The following PLPBP variants were observed in gnomAD, a reference collection of about 807,000 sequenced individuals.
PLPBP encodes the protein pyridoxal phosphate homeostasis protein.
In PLPBP, 21 loss-of-function variants were observed where a neutral mutation model predicts 31.2. The observed-to-expected ratio is 0.67, with a 90% CI of 0.48 to 0.97. The LOEUF (loss-of-function observed/expected upper bound fraction) is 0.97, where lower values mean the gene tolerates loss of function less well. PLPBP is among the 50% of genes least tolerant of loss of function. The probability of loss-of-function intolerance (pLI) is 0.00; values close to 1 mark genes in which losing one functional copy is unlikely to be tolerated. For synonymous variants in PLPBP, 124 were observed against 135.6 expected (o/e 0.91, Z 0.59); for missense variants, 308 against 354.4 (o/e 0.87, Z 1.05).
In PLPBP at chr8:37,778,122, G is replaced by T. The variant is rs761480558; in HGVS notation, c.*18G>T. On this transcript the variant is annotated 3_prime_UTR_variant, in exon 8 of 8. Coordinates refer to ENST00000328195, the MANE Select transcript of PLPBP (RefSeq NM_007198.4). ...AGCACTGAGCCAGGGAATACTGAGA[G>T]CACTAACTATGCACTAACCTAGATT... 28 of 1,610,498 alleles carry T rather than the reference G, an allele frequency of 1.7e-5. No individual in the cohort carries two copies. The highest frequency in any genetic ancestry group is 2.4e-5 in the Non-Finnish European group (28 of 1,177,824).
chr8:37,778,981 A>G lies in PLPBP; in HGVS notation c.*877A>G, dbSNP rs905322261. The G allele has an allele frequency of 6.6e-6, 1 of 152,008 alleles. No individual in the cohort carries two copies. The highest frequency in any genetic ancestry group is 1.5e-5 in the Non-Finnish European group (1 of 68,024). 9.4% of individuals were successfully genotyped at this position (152,008 alleles called of 1,614,324 possible). A position where few individuals can be genotyped will look rare whatever the true frequency, so the allele number is the denominator to read the frequency against. On this transcript the variant is annotated 3_prime_UTR_variant, in exon 8 of 8. Coordinates refer to ENST00000328195, the MANE Select transcript of PLPBP (RefSeq NM_007198.4). ...TGATCTCTTGGGAAGTTCTTCATAG[A>G]TGCTGTCACATTTCTTAAAGCAACC...
At chr8:37,776,105 AGCCTTGGAAAT>A in intron 7 of PLPBP, 89 bp downstream of exon 7, 1 of 1,273,528 alleles carries the variant, frequency 7.9e-7, no homozygotes, top group South Asian at 1.2e-5. Flanking sequence ...TTGCTGTAGA[AGCCTTGGAAAT>A]GCCTTGGGAT....
intron 4 of PLPBP, 65 bp from the exon 5 acceptor site, chr8:37,772,690 T>C: frequency 6.3e-7 from 1 of 1,576,414 alleles, no homozygotes; most frequent in Middle Eastern, 1.7e-4. Context: ...GTCAGAGATT[T>C]GTTGCATGTT....
chr8:37,770,122 A>G (rs1206275721), intron 4 of PLPBP, among the ~76,000 whole-genome samples: 1 of 152,230 alleles, frequency 6.6e-6, no homozygotes, highest in Non-Finnish European at 1.5e-5. Context: ...CATTCTTCAC[A>G]GAAATAGAAA....
At position 37,779,508 on chromosome 8, in the gene PLPBP, T is replaced by C. The variant is rs1472971807; in HGVS notation, c.*1404T>C. The C allele has an allele frequency of 6.6e-6, 1 of 152,490 alleles. No homozygotes were observed. Among genetic ancestry groups the C allele is most frequent in the East Asian group, 1.9e-4 (1 of 5,188 alleles). The allele number at this position is 152,490 out of a possible 1,614,324, so 9.4% of individuals were successfully genotyped here. A position where few individuals can be genotyped will look rare whatever the true frequency, so the allele number is the denominator to read the frequency against. On this transcript the variant is annotated 3_prime_UTR_variant, in exon 8 of 8. Coordinates refer to ENST00000328195, the MANE Select transcript of PLPBP (RefSeq NM_007198.4). ...ACCATTCTCTAATAGTCATGACAAA[T>C]GGCTTCAGTATGGCTTGTTTTTTAT...
chr8:37,767,981 G>A (rs1008453256), intron 4 of PLPBP, among the ~76,000 whole-genome samples: 8 of 151,288 alleles, frequency 5.3e-5, no homozygotes, highest in Admixed American at 2.6e-4. Flanking sequence ...AATTTTTTAC[G>A]TTTTTAGTAG....
rs994546164 is a variant in PLPBP, at chr8:37,779,691, T to C, written c.*1587T>C. The C allele has an allele frequency of 6.6e-6, 1 of 152,650 alleles. No homozygotes were observed. The allele number at this position is 152,650 out of a possible 1,614,324, so 9.5% of individuals were successfully genotyped here. Reference sequence around the variant, plus strand: ...AGAGCTACAGTGTGATATTTCAGAGTCTATTAAATAAAAATGTGAGTTTGA... The same window carrying C: ...AGAGCTACAGTGTGATATTTCAGAGCCTATTAAATAAAAATGTGAGTTTGA... On this transcript the variant is annotated 3_prime_UTR_variant, in exon 8 of 8. Coordinates refer to ENST00000328195, the MANE Select transcript of PLPBP (RefSeq NM_007198.4).
At chr8:37,769,285 G>A (rs1676456747) in intron 4 of PLPBP, among the ~76,000 whole-genome samples, 1 of 152,128 alleles carries the variant, frequency 6.6e-6, no homozygotes, top group East Asian at 1.9e-4. Context: ...GCAGTGAGCT[G>A]TGATTGTGCC....
intron 4 of PLPBP, among the ~76,000 whole-genome samples, chr8:37,769,098 G>A (rs774641231): frequency 5.3e-5 from 8 of 152,072 alleles, no homozygotes; most frequent in Non-Finnish European, 7.4e-5. Context: ...ACTTTGGGAG[G>A]CCAAGGCAGG....
At position 37,766,302 on chromosome 8, in the gene PLPBP, T is replaced by C. The variant is rs1448647080; in HGVS notation, c.266T>C (p.Ile89Thr). ...CAGATTCTGTCTTTGTGTCCTGAGATCAAATGGCACTTCATTGGCCACCTA... is the reference window on the plus strand; with the variant it reads ...CAGATTCTGTCTTTGTGTCCTGAGACCAAATGGCACTTCATTGGCCACCTA... ...NPKILSLCPEIKWHFIGHLQK... is the reference protein window; with the variant it reads ...NPKILSLCPETKWHFIGHLQK... Residue 89 changes from isoleucine (I) to threonine (T), a missense_variant, in exon 4 of 8, where the codon ATC becomes ACC. Transcript: ENST00000328195. 1 of 1,610,630 alleles carries C rather than the reference T, an allele frequency of 6.2e-7. No homozygotes were observed. The highest frequency in any genetic ancestry group is 2.2e-5 in the East Asian group (1 of 44,674).
intron 4 of PLPBP, among the ~76,000 whole-genome samples, chr8:37,768,771 C>T (rs899738187): frequency 2.6e-5 from 4 of 152,064 alleles, no homozygotes; most frequent in Admixed American, 6.6e-5. Flanking sequence ...CCACGCCCGG[C>T]GGTTTTGATT....
At chr8:37,762,813 C>T (rs1563322513) in intron 1 of PLPBP, 55 bp downstream of exon 1, 2 of 1,520,144 alleles carry the variant, frequency 1.3e-6, no homozygotes, top group South Asian at 1.2e-5. Context: ...AAGAGGGACA[C>T]CTGCGTGGGA....
intron 4 of PLPBP, among the ~76,000 whole-genome samples, chr8:37,770,858 T>C (rs771117673): frequency 6.6e-6 from 1 of 152,098 alleles, no homozygotes; most frequent in Non-Finnish European, 1.5e-5. Flanking sequence ...ATCGCAGGTG[T>C]GAGCCACTGC....
intron 7 of PLPBP, among the ~76,000 whole-genome samples, chr8:37,777,417 A>T (rs550660757): frequency 3.3e-5 from 5 of 152,212 alleles, no homozygotes; most frequent in African/African-American, 1.2e-4. Flanking sequence ...ACCCCCTCCG[A>T]GCTGAGTGCC....
chr8:37,770,085 G>A (rs564826847), intron 4 of PLPBP, among the ~76,000 whole-genome samples: 1 of 152,286 alleles, frequency 6.6e-6, no homozygotes, highest in Admixed American at 6.5e-5. Flanking sequence ...TACAGATCCA[G>A]TGCAGTCCCT....
In PLPBP at chr8:37,772,880, G is replaced by A. The variant is rs150307985; in HGVS notation, c.445G>A (p.Gly149Arg). ...GGTTATGGTCCAGATTAACACCAGC[G>A]GAGAAGAGAGTAAGTAACCAGACCT... ...LKVMVQINTS[G>R]EESKHGLPPS... The change falls in exon 5 of 8, where the codon GGA (glycine) becomes AGA (arginine). Residue 149 changes from glycine (G) to arginine (R), a missense_variant. Physicochemically the swap from Gly to Arg is moderately radical, Grantham distance 125 (BLOSUM62 -2). Around this residue, in one of 2 missense-constraint regions of PLPBP, gnomAD observed 188 missense variants for 259.3 expected, o/e 0.73. Transcript: ENST00000328195. The A allele has an allele frequency of 3.3e-5, 53 of 1,614,014 alleles. No homozygotes were observed. The highest frequency in any genetic ancestry group is 4.5e-5 in the East Asian group (2 of 44,878).
chr8:37,775,183 C>G, intron 5 of PLPBP, 156 bp from the exon 6 acceptor site: 1 of 750,254 alleles, frequency 1.3e-6, no homozygotes, highest in South Asian at 2.0e-5. Flanking sequence ...ACATAGAAAA[C>G]CCCAAGTATA....
At chr8:37,766,488 C>T (rs1803632881) in intron 4 of PLPBP, 133 bp downstream of exon 4, 3 of 1,329,870 alleles carry the variant, frequency 2.3e-6, no homozygotes, top group South Asian at 2.1e-5. Flanking sequence ...TTAGGAAAGT[C>T]TGAGTTCTTA....
chr8:37,768,140 C>G (rs187434978), intron 4 of PLPBP, among the ~76,000 whole-genome samples: 1 of 152,216 alleles, frequency 6.6e-6, no homozygotes, highest in Non-Finnish European at 1.5e-5. Context: ...CCCTGCACTC[C>G]TAGGATAAAT....
Sources: gnomAD v4.1 joint callset for allele counts (sites outside exome capture counted in the v4.1 genomes callset) on GRCh38, gnomAD v4.1.1 for gene constraint, gnomAD v4.1.1 regional missense constraint, MANE v1.5 for transcripts, NCBI Gene and HGNC (gene_info 2026-07-23, HGNC 2026-07-21) for gene names.